MARCHF1: variants seen among roughly 807,000 people sequenced by gnomAD.
The protein encoded by MARCHF1 is E3 ubiquitin-protein ligase MARCHF1.
A neutral mutation model predicts 54.2 loss-of-function variants in MARCHF1; 40 were observed. That is an observed-to-expected ratio of 0.74 (90% CI 0.57 to 0.96). The LOEUF (loss-of-function observed/expected upper bound fraction) is 0.96. Among genes scored for constraint, MARCHF1 ranks in the 40% least tolerant of loss-of-function variants. The probability of loss-of-function intolerance (pLI) is 0.00; values close to 1 mark genes in which losing one functional copy is unlikely to be tolerated. For synonymous variants in MARCHF1, 236 were observed against 236.3 expected (o/e 1.00, Z 0.01); for missense variants, 586 against 656.5 (o/e 0.89, Z 1.17).
intron 4 of MARCHF1, among the ~76,000 whole-genome samples, chr4:163,852,025 T>C (rs1477197803): frequency 6.6e-6 from 1 of 152,212 alleles, no homozygotes; most frequent in Non-Finnish European, 1.5e-5. Flanking sequence ...ATCCCTGTAA[T>C]ACAGCATTAG....
chr4:163,786,407 TAC>T (rs1747620682), intron 4 of MARCHF1, among the ~76,000 whole-genome samples: 1 of 151,942 alleles, frequency 6.6e-6, no homozygotes, highest in African/African-American at 2.4e-5. Context: ...AGAAAACAAA[TAC>T]ACCTTTTTTT....
chr4:163,612,405 T>C lies in MARCHF1; in HGVS notation c.876A>G (p.Thr292=). ...NEIMKKTFSE[T]DSSTEILGVP... is the part of the protein sequence containing the mutation. ...CTCCCAGTATTTCAGTGCTGGAATC[T>C]GTTTCTGAAAATGTCTTCTTCATTA... Residue 292 remains threonine, a synonymous_variant, in exon 7 of 10, where the codon ACA becomes ACG. Transcript: ENST00000514618. 6.5e-7 allele frequency: 1 copy of C among 1,535,494 alleles called. No homozygotes were observed. Among genetic ancestry groups the C allele is most frequent in the African/African-American group, 1.4e-5 (1 of 73,104 alleles).
chr4:163,960,292 A>G (rs1752320433), intron 3 of MARCHF1, among the ~76,000 whole-genome samples: 1 of 152,066 alleles, frequency 6.6e-6, no homozygotes, highest in African/African-American at 2.4e-5. Flanking sequence ...AGACCCAGCA[A>G]TCCTGTTACT....
At chr4:163,531,297 T>A (rs1489615174) in intron 9 of MARCHF1, among the ~76,000 whole-genome samples, 1 of 151,848 alleles carries the variant, frequency 6.6e-6, no homozygotes, top group Non-Finnish European at 1.5e-5. Flanking sequence ...CCAATAGAGA[T>A]TTATTCTAGG....
chr4:164,237,910 A>G (rs1732611938), intron 1 of MARCHF1, among the ~76,000 whole-genome samples: 1 of 152,066 alleles, frequency 6.6e-6, no homozygotes, highest in Admixed American at 6.6e-5. Flanking sequence ...TGGGGAAAAT[A>G]TCAAAGAACA....
In MARCHF1 at chr4:163,895,655, G is replaced by A. The variant is rs139957858; in HGVS notation, c.-38-41486C>T. On this transcript the variant is annotated intron_variant, in intron 3 of 9. Transcript: ENST00000514618. Reference sequence around the variant, plus strand: ...CTGCCTGCACCACAAACTTAGCGAGGTCTGTTTATGCTGTGAAAGAGGATG... The same window carrying A: ...CTGCCTGCACCACAAACTTAGCGAGATCTGTTTATGCTGTGAAAGAGGATG... Among the ~76,000 whole-genome samples the A allele has an allele frequency of 4.0e-3, 602 of 152,266 alleles. 5 individuals carry two copies. The highest frequency in any genetic ancestry group is 0.013 in the African/African-American group (559 of 41,546).
At chr4:163,682,156 T>G (rs1744125370) in intron 5 of MARCHF1, among the ~76,000 whole-genome samples, 1 of 152,170 alleles carries the variant, frequency 6.6e-6, no homozygotes. Context: ...TGGCAGCATT[T>G]TGCCCTTGCC....
chr4:164,240,676 G>T (rs1220285009), intron 1 of MARCHF1, among the ~76,000 whole-genome samples: 2 of 152,082 alleles, frequency 1.3e-5, no homozygotes, highest in Non-Finnish European at 2.9e-5. Context: ...ACTCCATCTT[G>T]CTTCTAACCT....
chr4:163,923,373 C>A (rs372447346), intron 3 of MARCHF1, among the ~76,000 whole-genome samples: 1 of 152,160 alleles, frequency 6.6e-6, no homozygotes, highest in South Asian at 2.1e-4. Context: ...TTCTTCATTT[C>A]TCTCTACAGG....
chr4:164,338,049 C>T (rs951339911), intron 1 of MARCHF1, among the ~76,000 whole-genome samples: 1 of 152,106 alleles, frequency 6.6e-6, no homozygotes, highest in African/African-American at 2.4e-5. Context: ...TTAAAAATAA[C>T]TGTAGGCATA....
rs142134225 is a variant in MARCHF1, at chr4:164,016,919, A to G, written c.-247-28210T>C. Among the ~76,000 whole-genome samples, 537 of 152,268 alleles carry G rather than the reference A, an allele frequency of 3.5e-3. 6 individuals carry two copies. The highest frequency in any genetic ancestry group is 0.012 in the African/African-American group (492 of 41,572). On this transcript the variant is annotated intron_variant, in intron 2 of 9. Transcript: ENST00000514618. ...TATATCAAAACATCACATGTACCCTATAAATATGTACAATAATTATGTATC... is the reference window on the plus strand; with the variant it reads ...TATATCAAAACATCACATGTACCCTGTAAATATGTACAATAATTATGTATC...
chr4:163,968,624 C>T (rs769528268), intron 3 of MARCHF1, among the ~76,000 whole-genome samples: 1 of 152,282 alleles, frequency 6.6e-6, no homozygotes, highest in African/African-American at 2.4e-5. Context: ...TTTATAAACA[C>T]TTTCTGCTTT....
chr4:164,159,016 T>C (rs1730158090), intron 1 of MARCHF1, among the ~76,000 whole-genome samples: 1 of 152,184 alleles, frequency 6.6e-6, no homozygotes, highest in Non-Finnish European at 1.5e-5. Context: ...GTGCTTGAGA[T>C]TCCAGTAACA....
At chr4:163,733,986 A>T (rs1745958481) in intron 4 of MARCHF1, among the ~76,000 whole-genome samples, 1 of 152,210 alleles carries the variant, frequency 6.6e-6, no homozygotes, top group African/African-American at 2.4e-5. Context: ...CAATTTAAAG[A>T]TGTACAAATA....
At chr4:164,085,355 A>G (rs189715091) in intron 2 of MARCHF1, among the ~76,000 whole-genome samples, 86 of 151,976 alleles carry the variant, frequency 5.7e-4, no homozygotes, top group African/African-American at 1.9e-3. Context: ...ATTTAGCCCA[A>G]CTTAAATTTG....
chr4:163,645,927 G>T lies in MARCHF1; in HGVS notation c.163-32534C>A, dbSNP rs146952907. ...AATACAAATTATAGAGGCTCCAGAGGGAGAAGAGAACAAAAAAGGAGCAAA... is the reference window on the plus strand; with the variant it reads ...AATACAAATTATAGAGGCTCCAGAGTGAGAAGAGAACAAAAAAGGAGCAAA... On this transcript the variant is annotated intron_variant, in intron 5 of 9. Coordinates refer to ENST00000514618, the MANE Select transcript of MARCHF1 (RefSeq NM_001394959.1). 8.9e-3 allele frequency among the ~76,000 whole-genome samples: 1,357 copies of T among 152,162 alleles called. 13 individuals carry two copies. The highest frequency in any genetic ancestry group is 0.031 in the African/African-American group (1,268 of 41,536).
intron 2 of MARCHF1, among the ~76,000 whole-genome samples, chr4:164,066,585 C>T (rs4393956): frequency 0.68 from 102,892 of 152,088 alleles, 36,056 homozygotes; most frequent in Non-Finnish European, 0.78. Flanking sequence ...CATTGAAGCA[C>T]TATTCACAAT....
At chr4:164,276,980 A>AGG (rs1733903751) in intron 1 of MARCHF1, among the ~76,000 whole-genome samples, 1 of 149,774 alleles carries the variant, frequency 6.7e-6, no homozygotes, top group Non-Finnish European at 1.5e-5. Context: ...AGAGAGAGAG[A>AGG]GAAAATATAT....
intron 4 of MARCHF1, among the ~76,000 whole-genome samples, chr4:163,756,119 T>C (rs1204494984): frequency 2.0e-5 from 3 of 152,224 alleles, no homozygotes; most frequent in Non-Finnish European, 2.9e-5. Context: ...TTAACAGACA[T>C]AGTAACTTTG....
Sources: gnomAD v4.1 joint callset for allele counts (sites outside exome capture counted in the v4.1 genomes callset) on GRCh38, gnomAD v4.1.1 for gene constraint, MANE v1.5 for transcripts, NCBI Gene and HGNC (gene_info 2026-07-23, HGNC 2026-07-21) for gene names.